Variants in FAM153A observed in about 807,000 individuals in gnomAD.
The protein encoded by FAM153A is protein FAM153A.
In FAM153A, 12 loss-of-function variants were observed where a neutral mutation model predicts 48.1. The ratio of observed to expected loss-of-function variants is 0.25; its 90% CI spans 0.16 to 0.40. FAM153A has a LOEUF of 0.40. FAM153A is among the 10% of genes least tolerant of loss of function. The pLI is 1.00. For synonymous variants in FAM153A, 36 were observed against 118.2 expected (o/e 0.30, Z 4.51); for missense variants, 111 against 345.8 (o/e 0.32, Z 5.38).
At chr5:177,746,414 C>G (rs1461195316) in intron 4 of FAM153A, among the ~76,000 whole-genome samples, 1 of 147,852 alleles carries the variant, frequency 6.8e-6, no homozygotes, top group African/African-American at 2.6e-5. Context: ...CCTCCTTGGC[C>G]TCCCAAAGCA....
intron 1 of FAM153A, among the ~76,000 whole-genome samples, chr5:177,764,983 G>T (rs1168068497): frequency 1.5e-5 from 2 of 132,878 alleles, no homozygotes; most frequent in Non-Finnish European, 3.2e-5. Flanking sequence ...GGCCCAGTCA[G>T]ATCGAGTGTC....
At chr5:177,753,855 G>A (rs1366349474), upstream of FAM153A, among the ~76,000 whole-genome samples, 3 of 151,844 alleles carry the variant, frequency 2.0e-5, no homozygotes, top group African/African-American at 7.3e-5. Flanking sequence ...TTAATAGGGG[G>A]TGGAGCCAAG....
intron 10 of FAM153A, among the ~76,000 whole-genome samples, chr5:177,737,660 A>G (rs1042636589): frequency 4.6e-5 from 7 of 151,456 alleles, no homozygotes; most frequent in Admixed American, 2.6e-4. Flanking sequence ...AGCTGGGATT[A>G]TAGGCATGCA....
At chr5:177,701,994 G>A in the FAM153A span, among the ~76,000 whole-genome samples, 20 of 151,270 alleles carry the variant, frequency 1.3e-4, no homozygotes, top group Non-Finnish European at 1.9e-4. Flanking sequence ...TGCAAGCTCC[G>A]CCTCCCGGGT....
intron 2 of FAM153A, among the ~76,000 whole-genome samples, chr5:177,749,296 A>G (rs1766510281): frequency 6.6e-6 from 1 of 150,708 alleles, no homozygotes; most frequent in Admixed American, 6.6e-5. Context: ...AAACCAGGCA[A>G]CCCTCCTCCC....
intron 3 of FAM153A, among the ~76,000 whole-genome samples, chr5:177,748,041 A>C (rs1582443304): frequency 2.2e-3 from 15 of 6,754 alleles, no homozygotes; most frequent in African/African-American, 2.9e-3. Context: ...TCTCTCCCCT[A>C]CTCCCTCTCT....
intron 12 of FAM153A, among the ~76,000 whole-genome samples, chr5:177,735,185 C>G (rs1380268562): frequency 6.6e-6 from 1 of 150,422 alleles, no homozygotes; most frequent in Non-Finnish European, 1.5e-5. Flanking sequence ...CCTTCCTAAT[C>G]TGACCTGAGC....
At chr5:177,705,235 C>T (rs1350793203), downstream of FAM153A, among the ~76,000 whole-genome samples, 2 of 151,044 alleles carry the variant, frequency 1.3e-5, no homozygotes, top group Admixed American at 6.6e-5. Flanking sequence ...ACCTGGCAGG[C>T]GGAGGTTGCA....
At chr5:177,737,982 G>A (rs950411818) in intron 10 of FAM153A, among the ~76,000 whole-genome samples, 12 of 151,670 alleles carry the variant, frequency 7.9e-5, no homozygotes, top group South Asian at 2.1e-4. Flanking sequence ...TACTTGGCCC[G>A]TGATGTTTGT....
At chr5:177,738,068 C>CATT (rs1561915926) in intron 10 of FAM153A, among the ~76,000 whole-genome samples, 1 of 151,360 alleles carries the variant, frequency 6.6e-6, no homozygotes, top group East Asian at 1.9e-4. Flanking sequence ...CTGGCTCCAG[C>CATT]ATTAGGACAG....
At chr5:177,728,819 C>T (rs1179619604) in intron 18 of FAM153A, among the ~76,000 whole-genome samples, 10 of 148,916 alleles carry the variant, frequency 6.7e-5, no homozygotes, top group Admixed American at 2.7e-4. Flanking sequence ...CGCCCGTCTC[C>T]GCCTCTCAAG....
intron 1 of FAM153A, among the ~76,000 whole-genome samples, chr5:177,779,181 T>A (rs376333935): frequency 6.6e-6 from 1 of 151,192 alleles, no homozygotes; most frequent in East Asian, 1.9e-4. Flanking sequence ...ACAGAACAAG[T>A]CAAAAAGCCA....
chr5:177,759,088 C>T (rs1768044880), intron 1 of FAM153A, among the ~76,000 whole-genome samples: 2 of 151,726 alleles, frequency 1.3e-5, no homozygotes, highest in Non-Finnish European at 1.5e-5. Context: ...TGATAAAGGG[C>T]TAATATCCAG....
intron 25 of FAM153A, among the ~76,000 whole-genome samples, chr5:177,715,585 C>T (rs1423903320): frequency 1.3e-5 from 2 of 151,798 alleles, no homozygotes; most frequent in Admixed American, 6.6e-5. Flanking sequence ...TCCTGATCCT[C>T]AGCTGCCAGA....
At chr5:177,701,209 C>T in the FAM153A span, among the ~76,000 whole-genome samples, 1 of 151,846 alleles carries the variant, frequency 6.6e-6, no homozygotes. Flanking sequence ...AAGCAGAAGC[C>T]ACTATGCTTC....
At chr5:177,709,093 C>CAAAAAAAAAAA (rs56257501), downstream of FAM153A, among the ~76,000 whole-genome samples, 42 of 34,122 alleles carry the variant, frequency 1.2e-3, 4 homozygotes, top group East Asian at 3.2e-3. Flanking sequence ...GACTCCGTCT[C>CAAAAAAAAAAA]AAAAAAAAAA....
upstream of FAM153A, among the ~76,000 whole-genome samples, chr5:177,754,763 T>G (rs571388166): frequency 3.2e-4 from 49 of 151,958 alleles, no homozygotes; most frequent in South Asian, 7.7e-3. Context: ...CAACAGACCT[T>G]CAGCTGAGGG....
At chr5:177,714,069 C>T (rs1759087528) in intron 25 of FAM153A, 3 of 151,736 alleles carry the variant, frequency 2.0e-5, no homozygotes, top group South Asian at 2.1e-4. Flanking sequence ...TAAGAATCAC[C>T]GTGATGGGCT....
At chr5:177,713,255 T>C (rs1758800616) in intron 26 of FAM153A, 1 of 124,236 alleles carries the variant, frequency 8.0e-6, no homozygotes, top group Non-Finnish European at 1.8e-5. Flanking sequence ...TTTCTTTCTT[T>C]TCTTTTTTTT....
Sources: allele counts gnomAD v4.1 joint callset (sites outside exome capture counted in the v4.1 genomes callset), GRCh38; gene constraint gnomAD v4.1.1; transcripts MANE v1.5; gene names NCBI Gene and HGNC (gene_info 2026-07-23, HGNC 2026-07-21).